DNAL1: variants seen among roughly 807,000 people sequenced by gnomAD.
DNAL1 encodes the protein dynein axonemal light chain 1.
Under a neutral mutation model 29.4 loss-of-function variants are expected in DNAL1, and 17 were observed. That is an observed-to-expected ratio of 0.58 (90% CI 0.40 to 0.87). The LOEUF (loss-of-function observed/expected upper bound fraction) is 0.87. Among genes scored for constraint, DNAL1 ranks in the 40% least tolerant of loss-of-function variants. DNAL1 has a pLI of 0.00. For missense variants in DNAL1, 188 were observed against 214.1 expected, an observed-to-expected ratio of 0.88 and a Z score of 0.76; for synonymous variants, 78 against 76.3, an observed-to-expected ratio of 1.02 and a Z score of -0.12.
At chr14:73,656,371 GT>G (rs374812057) in intron 2 of DNAL1, among the ~76,000 whole-genome samples, 2 of 141,604 alleles carry the variant, frequency 1.4e-5, no homozygotes, top group African/African-American at 2.6e-5. Flanking sequence ...AATAACTAGT[GT>G]TTTTTTTTGT....
chr14:73,682,092 A>G (rs143991374), intron 5 of DNAL1, among the ~76,000 whole-genome samples: 5,288 of 151,690 alleles, frequency 0.035, 334 homozygotes, highest in African/African-American at 0.12. Context: ...AGCCTGGGCA[A>G]CAAGAGCAAA....
chr14:73,655,300 T>C (rs1346930457), intron 2 of DNAL1, among the ~76,000 whole-genome samples: 2 of 152,044 alleles, frequency 1.3e-5, no homozygotes, highest in African/African-American at 4.8e-5. Flanking sequence ...TGCTATAAAA[T>C]TGCTGGAATT....
chr14:73,654,745 C>T (rs1471674146), intron 1 of DNAL1, 102 bp from the exon 2 acceptor site: 1 of 1,124,406 alleles, frequency 8.9e-7, no homozygotes, highest in Non-Finnish European at 1.2e-6. Context: ...GGTGACAGAG[C>T]AAGATTCTGT....
At chr14:73,666,607 G>A (rs536549401) in intron 4 of DNAL1, among the ~76,000 whole-genome samples, 7 of 152,046 alleles carry the variant, frequency 4.6e-5, no homozygotes, top group Admixed American at 1.3e-4. Context: ...TATTAACTTT[G>A]GATATCATAA....
chr14:73,646,631 G>C (rs954877310), intron 1 of DNAL1, among the ~76,000 whole-genome samples: 1 of 152,004 alleles, frequency 6.6e-6, no homozygotes, highest in African/African-American at 2.4e-5. Context: ...GCATGGTGGC[G>C]AGTGGCTGTA....
chr14:73,656,327 C>G lies in DNAL1; in HGVS notation c.42+1442C>G, dbSNP rs182999693. 7.3e-5 allele frequency among the ~76,000 whole-genome samples: 11 copies of G among 150,734 alleles called. No homozygotes were observed. The East Asian group carries it at 1.6e-3, about 21-fold the overall frequency. Reference sequence around the variant, plus strand: ...AGACTTAGTACCAGATTTCATTTTCCTTGAATTGGATTTTGAGATTTTATT... The same window carrying G: ...AGACTTAGTACCAGATTTCATTTTCGTTGAATTGGATTTTGAGATTTTATT... On this transcript the variant is annotated intron_variant, in intron 2 of 7. Transcript: ENST00000553645.
At position 73,691,856 on chromosome 14, in the gene DNAL1, C is replaced by A. The variant is rs2336138; in HGVS notation, c.532+2341C>A. ...CTACAGGCGTGCGCCACCCCCCCCC[C>A]CCAGCTAATTTTTGTATTTTTAGTA... On this transcript the variant is annotated intron_variant, in intron 7 of 7. Coordinates refer to ENST00000553645, the MANE Select transcript of DNAL1 (RefSeq NM_031427.4). Among the ~76,000 whole-genome samples, 277 of 147,574 alleles carry A rather than the reference C, an allele frequency of 1.9e-3. 6 individuals are homozygous for A. The highest frequency in any genetic ancestry group is 1.4e-3 in the Non-Finnish European group (96 of 66,806).
chr14:73,684,219 A>C (rs143424753), intron 5 of DNAL1, among the ~76,000 whole-genome samples: 1 of 152,104 alleles, frequency 6.6e-6, no homozygotes, highest in Non-Finnish European at 1.5e-5. Flanking sequence ...GGTTGATTCC[A>C]TATTTTGGCT....
chr14:73,681,471 T>C (rs531050794), intron 5 of DNAL1, among the ~76,000 whole-genome samples: 242 of 151,160 alleles, frequency 1.6e-3, no homozygotes, highest in Middle Eastern at 3.4e-3. Context: ...ACACTTAATT[T>C]ATAAACAATG....
At chr14:73,679,939 T>C (rs1323174291) in intron 5 of DNAL1, among the ~76,000 whole-genome samples, 1 of 152,086 alleles carries the variant, frequency 6.6e-6, no homozygotes, top group Non-Finnish European at 1.5e-5. Flanking sequence ...TCCTACTGTT[T>C]GTAAATGCCA....
At chr14:73,667,893 C>G (rs1379336147) in intron 4 of DNAL1, among the ~76,000 whole-genome samples, 1 of 152,206 alleles carries the variant, frequency 6.6e-6, no homozygotes, top group Non-Finnish European at 1.5e-5. Flanking sequence ...CTCACATCCT[C>G]TCTAAAGCCT....
At chr14:73,672,152 A>G (rs1891628771) in intron 5 of DNAL1, among the ~76,000 whole-genome samples, 1 of 152,226 alleles carries the variant, frequency 6.6e-6, no homozygotes, top group African/African-American at 2.4e-5. Context: ...CATCCTGCCC[A>G]GTACAGAAAC....
chr14:73,667,934 C>T (rs1344260152), intron 4 of DNAL1, among the ~76,000 whole-genome samples: 5 of 152,112 alleles, frequency 3.3e-5, no homozygotes, highest in Non-Finnish European at 2.9e-5. Flanking sequence ...TCATATTATA[C>T]GTATGGACTT....
Position 73,696,089 on chromosome 14 carries a change from TTTAAC to T in DNAL1, c.*151_*155del, listed in dbSNP as rs970027029. ...CACTCATTCTCATCTTTTTTTTTCC[TTTAAC>T]TTATTCAGTGTTTCTCCCCAAAACT... On this transcript the variant is annotated 3_prime_UTR_variant, in exon 8 of 8. Coordinates refer to ENST00000553645, the MANE Select transcript of DNAL1 (RefSeq NM_031427.4). The T allele has an allele frequency of 1.3e-5, 10 of 743,978 alleles. No individual in the cohort carries two copies. The highest frequency in any genetic ancestry group is 1.3e-4 in the African/African-American group (7 of 54,932). The allele number at this position is 743,978 out of a possible 1,614,324, so 46.1% of individuals were successfully genotyped here.
intron 1 of DNAL1, among the ~76,000 whole-genome samples, chr14:73,649,321 C>T (rs1426479655): frequency 1.4e-5 from 2 of 146,142 alleles, no homozygotes. Context: ...CTCGCTCTGT[C>T]GCCAGGGCTG....
chr14:73,678,767 A>G (rs1054897814), intron 5 of DNAL1, among the ~76,000 whole-genome samples: 6 of 152,170 alleles, frequency 3.9e-5, no homozygotes, highest in African/African-American at 1.4e-4. Flanking sequence ...AGTGTCTATC[A>G]GCAGTGGACT....
chr14:73,677,919 G>GTGTGT (rs1555402403), intron 5 of DNAL1, among the ~76,000 whole-genome samples: 2 of 76,646 alleles, frequency 2.6e-5, no homozygotes, highest in Non-Finnish European at 5.0e-5. Flanking sequence ...TGTGTGTGAT[G>GTGTGT]GTGGTCTGAC....
intron 1 of DNAL1, among the ~76,000 whole-genome samples, chr14:73,646,773 C>CAAAG (rs1489424748): frequency 2.6e-5 from 4 of 151,864 alleles, no homozygotes; most frequent in African/African-American, 9.7e-5. Flanking sequence ...AATAAACAAA[C>CAAAG]AAACAAACAT....
chr14:73,659,431 A>C (rs1891293574), intron 3 of DNAL1: 1 of 151,732 alleles, frequency 6.6e-6, no homozygotes, highest in Non-Finnish European at 1.5e-5. Context: ...CAAAGTGCTG[A>C]GATTACCAGC....
Sources: gnomAD v4.1 joint callset for allele counts (sites outside exome capture counted in the v4.1 genomes callset) on GRCh38, gnomAD v4.1.1 for gene constraint, MANE v1.5 for transcripts, NCBI Gene and HGNC (gene_info 2026-07-23, HGNC 2026-07-21) for gene names.